Variants in LRRC61 observed in about 807,000 individuals in gnomAD.
The protein encoded by LRRC61 is leucine-rich repeat-containing protein 61.
A neutral mutation model predicts 15.1 loss-of-function variants in LRRC61; 9 were observed. The observed-to-expected ratio is 0.60, with a 90% CI of 0.36 to 1.04. The LOEUF is 1.04. Among genes scored for constraint, LRRC61 ranks in the 50% least tolerant of loss-of-function variants. The pLI is 0.01. For synonymous variants in LRRC61, 173 were observed against 158.6 expected (o/e 1.09, Z -0.68); for missense variants, 344 against 335.6 (o/e 1.03, Z -0.20).
At chr7:150,327,534 C>G (rs1428019996) in intron 2 of LRRC61, among the ~76,000 whole-genome samples, 1 of 152,120 alleles carries the variant, frequency 6.6e-6, no homozygotes, top group African/African-American at 2.4e-5. Context: ...AGTTCTTGCA[C>G]CGGGCCGGGC....
rs369443062 is a variant in LRRC61 at position 150,330,429 on chromosome 7, G to A, written c.-145+4419G>A. On this transcript the variant is annotated intron_variant, in intron 2 of 2. Transcript: ENST00000359623. The surrounding 1 kb of genome is among the most constrained non-coding windows in gnomAD (Gnocchi z 4.6). Reference sequence around the variant, plus strand: ...GATGGTGGTCCGCGAGGCGAGTGCGGCACAGGCCTCTCTGAGCCAGGTGCT... The same window carrying A: ...GATGGTGGTCCGCGAGGCGAGTGCGACACAGGCCTCTCTGAGCCAGGTGCT... 2.6e-6 allele frequency: 2 copies of A among 773,918 alleles called. No individual in the cohort carries two copies. Among genetic ancestry groups the A allele is most frequent in the Non-Finnish European group, 4.8e-6 (2 of 418,090 alleles). 47.9% of individuals were successfully genotyped at this position (773,918 alleles called of 1,614,324 possible).
At chr7:150,326,720 G>T (rs914874947) in intron 2 of LRRC61, among the ~76,000 whole-genome samples, 1 of 150,624 alleles carries the variant, frequency 6.6e-6, no homozygotes, top group Non-Finnish European at 1.5e-5. Flanking sequence ...GGGTGACCCC[G>T]TTCTGCAGAT....
At chr7:150,322,970 C>T (rs1797708806), upstream of LRRC61, 2 of 152,660 alleles carry the variant, frequency 1.3e-5, no homozygotes, top group South Asian at 4.0e-4. Context: ...GGCGGTCAGC[C>T]TGGCACGCAC....
intron 2 of LRRC61, 116 bp downstream of exon 2, chr7:150,326,126 C>G (rs1345800712): frequency 2.0e-5 from 3 of 152,262 alleles, no homozygotes; most frequent in Admixed American, 6.5e-5. Flanking sequence ...CACCATACCC[C>G]ACTTTCCCCC....
At chr7:150,334,404 A>G (rs767558421) in intron 2 of LRRC61, among the ~76,000 whole-genome samples, 2 of 123,100 alleles carry the variant, frequency 1.6e-5, no homozygotes, top group Admixed American at 1.1e-4. Flanking sequence ...CTCGTAGGTC[A>G]GCCTCCACCT....
In LRRC61 at chr7:150,337,220, G is replaced by C. The variant is rs773969367; in HGVS notation, c.359G>C (p.Gly120Ala). ...CCGGGCCAGCTGCAGTGTCTGGCTGGGCTACCGTGCCTGGAGTACCTGCGG... is the reference window on the plus strand; with the variant it reads ...CCGGGCCAGCTGCAGTGTCTGGCTGCGCTACCGTGCCTGGAGTACCTGCGG... ...ATPGQLQCLA[G>A]LPCLEYLRLR... is the part of the protein sequence containing the mutation. Residue 120 changes from glycine to alanine, a missense_variant, in exon 3 of 3, where the codon GGG becomes GCG. By Grantham distance (60) the Gly-to-Ala change is moderately conservative. Coordinates refer to ENST00000359623, the MANE Select transcript of LRRC61 (RefSeq NM_001142928.2). 9 of 1,605,198 alleles carry C rather than the reference G, an allele frequency of 5.6e-6. No homozygotes were observed. Among genetic ancestry groups the C allele is most frequent in the Non-Finnish European group, 7.6e-6 (9 of 1,179,892 alleles).
At position 150,337,166 on chromosome 7, in the gene LRRC61, T is replaced by C. The variant is rs571316608; in HGVS notation, c.305T>C (p.Leu102Pro). The change falls in exon 3 of 3, where the codon CTC becomes CCC. Residue 102 changes from leucine (L) to proline (P), a missense_variant. Coordinates refer to ENST00000359623, the MANE Select transcript of LRRC61 (RefSeq NM_001142928.2). ...PLATCENLQSLNAAGNLLATP... is the reference protein window; with the variant it reads ...PLATCENLQSPNAAGNLLATP... ...GCCACCTGTGAGAACTTGCAGAGTC[T>C]CAATGCCGCAGGCAACCTACTGGCC... 2.5e-6 allele frequency: 4 copies of C among 1,610,010 alleles called. No homozygotes were observed. The highest frequency in any genetic ancestry group is 2.2e-5 in the East Asian group (1 of 44,874).
chr7:150,327,819 CAA>C (rs58721598), intron 2 of LRRC61, among the ~76,000 whole-genome samples: 49 of 136,850 alleles, frequency 3.6e-4, no homozygotes, highest in East Asian at 3.2e-3. Flanking sequence ...GACCTTGTCT[CAA>C]AAAAAAAAAA....
chr7:150,315,267 T>C, the LRRC61 span, among the ~76,000 whole-genome samples: 1 of 152,042 alleles, frequency 6.6e-6, no homozygotes, highest in Non-Finnish European at 1.5e-5. Flanking sequence ...TTCATTAAAA[T>C]TGAACGTCAT....
upstream of LRRC61, chr7:150,322,524 A>T (rs562173757): frequency 5.8e-4 from 89 of 152,356 alleles, no homozygotes; most frequent in African/African-American, 2.1e-3. Context: ...ACGCCATGAC[A>T]CCATCATGAA....
chr7:150,313,800 C>A, the LRRC61 span, among the ~76,000 whole-genome samples: 2 of 152,154 alleles, frequency 1.3e-5, no homozygotes, highest in Non-Finnish European at 2.9e-5. Flanking sequence ...GGTACTTTGA[C>A]AGACACTGGA....
chr7:150,313,742 A>AGAGG, the LRRC61 span, among the ~76,000 whole-genome samples: 1 of 152,148 alleles, frequency 6.6e-6, no homozygotes, highest in Non-Finnish European at 1.5e-5. Flanking sequence ...TTAGCTAGAA[A>AGAGG]GAGGGAGAGA....
At chr7:150,331,160 A>C in intron 2 of LRRC61, 1 of 1,533,616 alleles carries the variant, frequency 6.5e-7, no homozygotes, top group Non-Finnish European at 8.8e-7. Flanking sequence ...GTAGAGCAAA[A>C]CTCTTCTCTC....
chr7:150,323,775 C>CT, intron 1 of LRRC61: 1 of 445,412 alleles, frequency 2.2e-6, no homozygotes, highest in Non-Finnish European at 4.5e-6. Context: ...TCGTTTAACA[C>CT]TAACAATCTC....
At position 150,333,797 on chromosome 7, in the gene LRRC61, C is replaced by T; in HGVS notation, c.-144-2921C>T. The T allele has an allele frequency of 3.1e-6, 2 of 639,628 alleles. No homozygotes were observed. Among genetic ancestry groups the T allele is most frequent in the Non-Finnish European group, 3.9e-6 (2 of 514,474 alleles). 39.6% of individuals were successfully genotyped at this position (639,628 alleles called of 1,614,324 possible). On this transcript the variant is annotated intron_variant, in intron 2 of 2. Coordinates refer to ENST00000359623, the MANE Select transcript of LRRC61 (RefSeq NM_001142928.2). The surrounding 1 kb of genome is among the most constrained non-coding windows in gnomAD (Gnocchi z 4.3). ...AAGCCATCCTCCTTGTGTCTGCGGG[C>T]AGCCTGATGGTTAGTTGGGTCTGCA...
In LRRC61 at chr7:150,330,180, C is replaced by T; in HGVS notation, c.-145+4170C>T. 1 of 586,210 alleles carries T rather than the reference C, an allele frequency of 1.7e-6. No homozygotes were observed. Among genetic ancestry groups the T allele is most frequent in the Non-Finnish European group, 3.0e-6 (1 of 329,566 alleles). The allele number at this position is 586,210 out of a possible 1,614,324, so 36.3% of individuals were successfully genotyped here. A position where few individuals can be genotyped will look rare whatever the true frequency, so the allele number is the denominator to read the frequency against. On this transcript the variant is annotated intron_variant, in intron 2 of 2. Coordinates refer to ENST00000359623, the MANE Select transcript of LRRC61 (RefSeq NM_001142928.2). This position sits in a 1 kb window ranked among gnomAD's most constrained non-coding sequence, Gnocchi z 4.6. ...AGGCTCTGTGGAGGCCCAGGGACTCCTCACCCAGCTCCAGCGCCAGCGCAG... is the reference window on the plus strand; with the variant it reads ...AGGCTCTGTGGAGGCCCAGGGACTCTTCACCCAGCTCCAGCGCCAGCGCAG...
At chr7:150,315,968 C>T in the LRRC61 span, among the ~76,000 whole-genome samples, 10 of 152,250 alleles carry the variant, frequency 6.6e-5, no homozygotes, top group South Asian at 1.0e-3. Flanking sequence ...GAGGCCGAGG[C>T]GGGTGGATCA....
chr7:150,315,341 G>A, the LRRC61 span, among the ~76,000 whole-genome samples: 1 of 151,966 alleles, frequency 6.6e-6, no homozygotes, highest in Non-Finnish European at 1.5e-5. Context: ...CAGCTGGGGA[G>A]GATCTTCACA....
Position 150,336,808 on chromosome 7 carries a change from G to A in LRRC61, c.-54G>A. 1 of 1,552,856 alleles carries A rather than the reference G, an allele frequency of 6.4e-7. No individual in the cohort carries two copies. The highest frequency in any genetic ancestry group is 8.7e-7 in the Non-Finnish European group (1 of 1,148,810). ...GGCGAGCACCAGCTGACCCCCAGTGGAACCCTGTGACAGTCCTGCCAGGGC... is the reference window on the plus strand; with the variant it reads ...GGCGAGCACCAGCTGACCCCCAGTGAAACCCTGTGACAGTCCTGCCAGGGC... On this transcript the variant is annotated 5_prime_UTR_variant, in exon 3 of 3. Coordinates refer to ENST00000359623, the MANE Select transcript of LRRC61 (RefSeq NM_001142928.2).
Sources: gnomAD v4.1 joint callset for allele counts (sites outside exome capture counted in the v4.1 genomes callset) on GRCh38, gnomAD v4.1.1 for gene constraint, Gnocchi (gnomAD v3.1) non-coding constraint, MANE v1.5 for transcripts, NCBI Gene and HGNC (gene_info 2026-07-23, HGNC 2026-07-21) for gene names.